Variants in HS3ST5 observed in about 807,000 individuals in gnomAD.
HS3ST5 encodes the protein heparan sulfate glucosamine 3-O-sulfotransferase 5.
In HS3ST5, 10 loss-of-function variants were observed where a neutral mutation model predicts 25.4. That is an observed-to-expected ratio of 0.39 (90% CI 0.24 to 0.67). The LOEUF is 0.67. Ranked by LOEUF, HS3ST5 falls within the 30% of genes least tolerant of loss-of-function variation. HS3ST5 has a pLI of 0.44. For missense variants in HS3ST5, 324 were observed against 420.7 expected, an observed-to-expected ratio of 0.77 and a Z score of 2.01; for synonymous variants, 170 against 162.4, an observed-to-expected ratio of 1.05 and a Z score of -0.36.
intron 1 of HS3ST5, among the ~76,000 whole-genome samples, chr6:114,266,783 C>T (rs1480325750): frequency 1.3e-5 from 2 of 152,070 alleles, no homozygotes; most frequent in South Asian, 2.1e-4. Context: ...GTTTACAGAA[C>T]ACCTATTTCT....
chr6:114,327,085 C>T (rs1776203471), intron 1 of HS3ST5, among the ~76,000 whole-genome samples: 1 of 152,148 alleles, frequency 6.6e-6, no homozygotes, highest in African/African-American at 2.4e-5. Flanking sequence ...AGATAAGCTC[C>T]TGACATTTTT....
chr6:114,100,825 G>A (rs542531109), intron 3 of HS3ST5, among the ~76,000 whole-genome samples: 1 of 152,274 alleles, frequency 6.6e-6, no homozygotes, highest in East Asian at 1.9e-4. Context: ...CTGACACTAT[G>A]CCAGGCATCA....
intron 1 of HS3ST5, among the ~76,000 whole-genome samples, chr6:114,315,132 A>G (rs1371821284): frequency 3.3e-5 from 5 of 152,188 alleles, no homozygotes; most frequent in African/African-American, 1.2e-4. Context: ...GGAAAAATAG[A>G]GCCTTTGTGG....
intron 2 of HS3ST5, among the ~76,000 whole-genome samples, chr6:114,172,958 A>AT (rs1779539459): frequency 6.6e-6 from 1 of 152,134 alleles, no homozygotes; most frequent in Admixed American, 6.5e-5. Context: ...TTTTTGGAAT[A>AT]TAAAAAAAAG....
chr6:114,252,807 C>A (rs1177639293), intron 1 of HS3ST5, among the ~76,000 whole-genome samples: 1 of 152,098 alleles, frequency 6.6e-6, no homozygotes, highest in Non-Finnish European at 1.5e-5. Flanking sequence ...TGCGTAGTCG[C>A]AATTTGGAGC....
intron 1 of HS3ST5, among the ~76,000 whole-genome samples, chr6:114,300,956 TA>T (rs2114808180): frequency 6.6e-6 from 1 of 152,278 alleles, no homozygotes; most frequent in Non-Finnish European, 1.5e-5. Flanking sequence ...GGAAAATCTA[TA>T]GAGACAGAAA....
intron 3 of HS3ST5, among the ~76,000 whole-genome samples, chr6:114,144,602 G>A (rs1778064678): frequency 6.6e-6 from 1 of 152,120 alleles, no homozygotes; most frequent in South Asian, 2.1e-4. Context: ...GACATAAGCA[G>A]AAACATGGAA....
At chr6:114,286,378 G>T (rs1421089823) in intron 1 of HS3ST5, among the ~76,000 whole-genome samples, 1 of 152,002 alleles carries the variant, frequency 6.6e-6, no homozygotes, top group Non-Finnish European at 1.5e-5. Context: ...TCAATAAGTT[G>T]TAGAGATGTG....
chr6:114,084,158 C>T, intron 3 of HS3ST5: 1 of 775,116 alleles, frequency 1.3e-6, no homozygotes, highest in Non-Finnish European at 2.3e-6. Flanking sequence ...AGAACACATG[C>T]AAGAACAGCT....
chr6:114,177,974 G>T (rs1779799918), intron 2 of HS3ST5, among the ~76,000 whole-genome samples: 2 of 152,174 alleles, frequency 1.3e-5, no homozygotes, highest in Non-Finnish European at 2.9e-5. Flanking sequence ...TTTGGAATAA[G>T]TGCAGTTTGC....
chr6:114,116,183 A>T (rs1475648239), intron 3 of HS3ST5: 1 of 152,110 alleles, frequency 6.6e-6, no homozygotes, highest in Non-Finnish European at 1.5e-5. Context: ...GACTGCTGGT[A>T]AGAACTGTCT....
chr6:114,091,631 C>A (rs1020289704), intron 3 of HS3ST5, among the ~76,000 whole-genome samples: 1 of 152,102 alleles, frequency 6.6e-6, no homozygotes, highest in Admixed American at 6.5e-5. Context: ...TTGCTGTGAG[C>A]CGAGATTGCG....
intron 3 of HS3ST5, among the ~76,000 whole-genome samples, chr6:114,141,858 TTGTGTGTGTGTGTGTGTG>T (rs59862071): frequency 3.4e-4 from 48 of 141,372 alleles, no homozygotes; most frequent in African/African-American, 1.0e-3. Context: ...AGATGATAGT[TTGTGTGTGTGTGTGTGTG>T]TGTGTGTGTG....
At chr6:114,336,567 G>A (rs966936912) in intron 1 of HS3ST5, among the ~76,000 whole-genome samples, 11 of 152,108 alleles carry the variant, frequency 7.2e-5, no homozygotes, top group East Asian at 1.9e-4. Context: ...AGATTGTGCC[G>A]CTGCACTGCA....
chr6:114,264,020 G>C (rs1203398455), intron 1 of HS3ST5, among the ~76,000 whole-genome samples: 2 of 151,938 alleles, frequency 1.3e-5, no homozygotes, highest in Admixed American at 1.3e-4. Context: ...TTTATATCGT[G>C]TCTCTTTCCA....
intron 2 of HS3ST5, among the ~76,000 whole-genome samples, chr6:114,213,721 G>A (rs1285671427): frequency 6.6e-6 from 1 of 151,964 alleles, no homozygotes; most frequent in African/African-American, 2.4e-5. Context: ...ACACGTGCAG[G>A]GATATCTTGC....
intron 3 of HS3ST5, among the ~76,000 whole-genome samples, chr6:114,158,827 G>A (rs1434824553): frequency 6.6e-6 from 1 of 152,094 alleles, no homozygotes; most frequent in Non-Finnish European, 1.5e-5. Flanking sequence ...TGTATTACAG[G>A]GAAGCATATA....
At chr6:114,323,629 T>C (rs1246722752) in intron 1 of HS3ST5, among the ~76,000 whole-genome samples, 9 of 152,192 alleles carry the variant, frequency 5.9e-5, no homozygotes, top group Admixed American at 5.9e-4. Context: ...AGCATTATTA[T>C]GAAGATAACA....
chr6:114,196,145 A>T lies in HS3ST5; in HGVS notation c.-144-27683T>A, dbSNP rs565832378. Among the ~76,000 whole-genome samples the T allele has an allele frequency of 1.6e-4, 25 of 152,300 alleles. No individual in the cohort carries two copies. The East Asian group carries it at 3.9e-3, about 24-fold the overall frequency. On this transcript the variant is annotated intron_variant, in intron 2 of 4. Transcript: ENST00000312719. ...CTTTCACTTATTAAACTTTCGCTCC[A>T]ACCTCACCCTTTGTGTCCACACTTC...
Sources: allele counts gnomAD v4.1 joint callset (sites outside exome capture counted in the v4.1 genomes callset), GRCh38; gene constraint gnomAD v4.1.1; transcripts MANE v1.5; gene names NCBI Gene and HGNC (gene_info 2026-07-23, HGNC 2026-07-21).